Variants in DACT1 observed in about 807,000 individuals in gnomAD.
DACT1 encodes the protein dishevelled binding antagonist of beta catenin 1.
A neutral mutation model predicts 35.3 loss-of-function variants in DACT1; 19 were observed. The ratio of observed to expected loss-of-function variants is 0.54; its 90% CI spans 0.38 to 0.79. The LOEUF is 0.79. Ranked by LOEUF, DACT1 falls within the 30% of genes least tolerant of loss-of-function variation. DACT1 has a pLI of 0.00. For synonymous variants in DACT1, 545 were observed against 466.7 expected, an observed-to-expected ratio of 1.17 and a Z score of -2.16; for missense variants, 1,143 against 1,057.5, an observed-to-expected ratio of 1.08 and a Z score of -1.12.
In DACT1 at chr14:58,638,331, C is replaced by A; in HGVS notation, c.129C>A (p.Arg43=). The change falls in exon 1 of 4, where the codon CGC becomes CGA. Residue 43 remains arginine, a synonymous_variant. Transcript: ENST00000395153. ...EKGEADTERQ[R]TRERQEATLA... is the part of the protein sequence containing the mutation. ...GCGAGGCAGACACCGAGCGGCAGCG[C>A]ACCCGGGAGCGGCAGGAGGCCACGC... 1 of 1,317,234 alleles carries A rather than the reference C, an allele frequency of 7.6e-7. No homozygotes were observed. Among genetic ancestry groups the A allele is most frequent in the South Asian group, 2.2e-5 (1 of 46,440 alleles). The allele number at this position is 1,317,234 out of a possible 1,614,324, so 81.6% of individuals were successfully genotyped here.
intron 1 of DACT1, chr14:58,638,987 G>A (rs982738069): frequency 3.0e-6 from 3 of 986,262 alleles, no homozygotes; most frequent in African/African-American, 1.7e-5. Context: ...AAGCCAAGGA[G>A]GGGGTTTGTG....
At chr14:58,641,825 C>A in intron 3 of DACT1, 78 bp downstream of exon 3, 1 of 1,390,090 alleles carries the variant, frequency 7.2e-7, no homozygotes, top group Non-Finnish European at 9.9e-7. Context: ...GGCTCCAGCA[C>A]CTTTCACTGG....
rs1467903080 is a variant in DACT1 at position 58,647,208 on chromosome 14, T to G, written c.*74T>G. 5 of 1,528,626 alleles carry G rather than the reference T, an allele frequency of 3.3e-6. No individual in the cohort carries two copies. Among genetic ancestry groups the G allele is most frequent in the Admixed American group, 4.3e-5 (2 of 46,326 alleles). The allele number at this position is 1,528,626 out of a possible 1,614,324, so 94.7% of individuals were successfully genotyped here. A position where few individuals can be genotyped will look rare whatever the true frequency, so the allele number is the denominator to read the frequency against. ...AGTTGCCAAAATTAAAAAGGTGGTG[T>G]TTTCATTTTTGTATAATACTTTAAT... On this transcript the variant is annotated 3_prime_UTR_variant, in exon 4 of 4. Transcript: ENST00000395153.
intron 3 of DACT1, among the ~76,000 whole-genome samples, chr14:58,642,303 A>G (rs2020306): frequency 0.083 from 12,479 of 149,712 alleles, 557 homozygotes; most frequent in Non-Finnish European, 0.1. Context: ...CCTGGCCAAC[A>G]TGGTGAAACC....
chr14:58,638,319 CGAGCGGCAGCGCACCCGG>C lies in DACT1; in HGVS notation c.127_144del (p.Arg43_Gln48del). 7.5e-7 allele frequency: 1 copy of C among 1,324,994 alleles called. No individual in the cohort carries two copies. Among genetic ancestry groups the C allele is most frequent in the Non-Finnish European group, 9.6e-7 (1 of 1,043,112 alleles). 82.1% of individuals were successfully genotyped at this position (1,324,994 alleles called of 1,614,324 possible). On this transcript the variant is annotated inframe_deletion, in exon 1 of 4. Transcript: ENST00000395153. ...GGCGGGAGAAGGGCGAGGCAGACAC[CGAGCGGCAGCGCACCCGG>C]GAGCGGCAGGAGGCCACGCTGGCCG...
intron 3 of DACT1, among the ~76,000 whole-genome samples, chr14:58,643,891 T>C (rs758507346): frequency 1.3e-5 from 2 of 150,052 alleles, no homozygotes; most frequent in Non-Finnish European, 3.0e-5. Flanking sequence ...TTGGGGGGGG[T>C]CATGTGGGTG....
chr14:58,639,028 C>T (rs1341738832), intron 1 of DACT1: 2 of 985,398 alleles, frequency 2.0e-6, no homozygotes, highest in Non-Finnish European at 2.4e-6. Context: ...CCGAGTTTTA[C>T]GATTACACTG....
Position 58,647,287 on chromosome 14 carries a change from C to T in DACT1, c.*153C>T, listed in dbSNP as rs1595602329. 3.5e-6 allele frequency: 3 copies of T among 869,550 alleles called. No individual in the cohort carries two copies. Among genetic ancestry groups the T allele is most frequent in the African/African-American group, 1.7e-5 (1 of 58,264 alleles). 53.9% of individuals were successfully genotyped at this position (869,550 alleles called of 1,614,324 possible). The stretch of plus-strand genomic sequence containing the variant: ...AAGGTAAATTATTGTTTCATCTTCA[C>T]GTATGGATGCTAGTGCCTTTAATGG... On this transcript the variant is annotated 3_prime_UTR_variant, in exon 4 of 4. Transcript: ENST00000395153.
chr14:58,636,507 C>G (rs572602136), upstream of DACT1, among the ~76,000 whole-genome samples: 1 of 152,032 alleles, frequency 6.6e-6, no homozygotes, highest in Non-Finnish European at 1.5e-5. Context: ...CGTGTGCACA[C>G]CCAGATAAAT....
In DACT1 at chr14:58,646,005, A is replaced by G; in HGVS notation, c.1271A>G (p.Gln424Arg). ...HLPKTAKPAS[Q>R]EHARCSAIGT... Reference sequence around the variant, plus strand: ...CCAAAAACGGCCAAGCCAGCCTCGCAAGAACATGCTCGGTGTTCCGCCATT... The same window carrying G: ...CCAAAAACGGCCAAGCCAGCCTCGCGAGAACATGCTCGGTGTTCCGCCATT... Residue 424 changes from glutamine (Q) to arginine (R), a missense_variant, in exon 4 of 4, where the codon CAA (glutamine) becomes CGA (arginine). Physicochemically the swap from Gln to Arg is conservative, Grantham distance 43. Around this residue, in one of 3 missense-constraint regions of DACT1, gnomAD observed 1,054 missense variants for 958.8 expected, o/e 1.10. Coordinates refer to ENST00000395153, the MANE Select transcript of DACT1 (RefSeq NM_001079520.2). 2 of 1,614,108 alleles carry G rather than the reference A, an allele frequency of 1.2e-6. No homozygotes were observed. Among genetic ancestry groups the G allele is most frequent in the Non-Finnish European group, 1.7e-6 (2 of 1,180,030 alleles).
chr14:58,634,807 G>C (rs1011462889), upstream of DACT1, among the ~76,000 whole-genome samples: 1 of 152,206 alleles, frequency 6.6e-6, no homozygotes, highest in East Asian at 1.9e-4. Context: ...ACTTTGGTGG[G>C]GGTGCTGTTA....
intron 2 of DACT1, among the ~76,000 whole-genome samples, 175 bp from the exon 3 acceptor site, chr14:58,641,417 A>C (rs977647224): frequency 1.3e-5 from 2 of 152,296 alleles, no homozygotes; most frequent in African/African-American, 4.8e-5. Context: ...CCTTTTCCTA[A>C]GGATTGTTTG....
chr14:58,634,427 C>A (rs1048598990), upstream of DACT1, among the ~76,000 whole-genome samples: 1 of 152,178 alleles, frequency 6.6e-6, no homozygotes, highest in East Asian at 1.9e-4. Flanking sequence ...TGTCTGCTTT[C>A]TTTCCCCTGT....
At chr14:58,643,226 GTC>G (rs1383988218) in intron 3 of DACT1, among the ~76,000 whole-genome samples, 1 of 152,210 alleles carries the variant, frequency 6.6e-6, no homozygotes, top group Non-Finnish European at 1.5e-5. Flanking sequence ...TAAGCTAATT[GTC>G]AGAGGTTCTC....
chr14:58,642,148 T>A (rs1011594861), intron 3 of DACT1, among the ~76,000 whole-genome samples: 1 of 152,164 alleles, frequency 6.6e-6, no homozygotes, highest in South Asian at 2.1e-4. Context: ...CCCAGCACTT[T>A]GGGAGGCTTA....
chr14:58,638,489 G>A lies in DACT1; in HGVS notation c.287G>A (p.Arg96His). The A allele has an allele frequency of 7.4e-7, 1 of 1,358,504 alleles. No individual in the cohort carries two copies. The allele number at this position is 1,358,504 out of a possible 1,614,324, so 84.2% of individuals were successfully genotyped here. A position where few individuals can be genotyped will look rare whatever the true frequency, so the allele number is the denominator to read the frequency against. ...AGELLGEAAQ[R>H]SRLEEKFLEE... Reference sequence around the variant, plus strand: ...GAGCTACTGGGGGAGGCGGCGCAGCGCAGTCGCCTGGAGGAGAAGTTCTTG... The same window carrying A: ...GAGCTACTGGGGGAGGCGGCGCAGCACAGTCGCCTGGAGGAGAAGTTCTTG... Residue 96 changes from arginine (R) to histidine (H), a missense_variant, in exon 1 of 4, where the codon CGC (arginine) becomes CAC (histidine). By Grantham distance (29) the Arg-to-His change is conservative. This residue lies in a region of DACT1 where 1,054 missense variants were observed against 958.8 expected (regional missense o/e 1.10). Transcript: ENST00000395153.
Position 58,645,774 on chromosome 14 carries a change from T to G in DACT1, c.1040T>G (p.Val347Gly). 1.2e-6 allele frequency: 2 copies of G among 1,614,246 alleles called. No individual in the cohort carries two copies. The highest frequency in any genetic ancestry group is 1.7e-6 in the Non-Finnish European group (2 of 1,180,042). The stretch of plus-strand genomic sequence containing the variant: ...GTTTGTGTCAGAGCCCCGGGCGGTG[T>G]CTCACAGGGCAACAGTGTGAACCTT... Reference protein sequence around the residue: ...GSVCVRAPGGVSQGNSVNLKN... With the variant: ...GSVCVRAPGGGSQGNSVNLKN... Residue 347 changes from valine to glycine, a missense_variant, in exon 4 of 4, where the codon GTC becomes GGC. Val to Gly is a moderately radical substitution (Grantham distance 109). Transcript: ENST00000395153.
At chr14:58,644,341 A>G (rs1049339897) in intron 3 of DACT1, among the ~76,000 whole-genome samples, 5 of 152,198 alleles carry the variant, frequency 3.3e-5, no homozygotes, top group Non-Finnish European at 5.9e-5. Flanking sequence ...TAATACTACC[A>G]CTCAATCTTT....
chr14:58,638,241 G>C lies in DACT1; in HGVS notation c.39G>C (p.Glu13Asp), dbSNP rs1358520592. The C allele has an allele frequency of 7.3e-7, 1 of 1,363,948 alleles. No individual in the cohort carries two copies. Among genetic ancestry groups the C allele is most frequent in the African/African-American group, 1.5e-5 (1 of 65,510 alleles). The allele number at this position is 1,363,948 out of a possible 1,614,324, so 84.5% of individuals were successfully genotyped here. The part of the protein sequence containing the change: ...PSPAGTAKEL[E>D]PPAPARGEQR... ...CGGCCGGGACGGCGAAGGAGCTGGA[G>C]CCTCCGGCGCCGGCCCGAGGCGAGC... The change falls in exon 1 of 4, where the codon GAG (glutamate) becomes GAC (aspartate). Residue 13 changes from glutamate (E) to aspartate (D), a missense_variant. Transcript: ENST00000395153.
Sources: gnomAD v4.1 joint callset for allele counts (sites outside exome capture counted in the v4.1 genomes callset) on GRCh38, gnomAD v4.1.1 for gene constraint, gnomAD v4.1.1 regional missense constraint, MANE v1.5 for transcripts, NCBI Gene and HGNC (gene_info 2026-07-23, HGNC 2026-07-21) for gene names.